MBNL3: variants seen among roughly 807,000 people sequenced by gnomAD.
The protein encoded by MBNL3 is muscleblind-like protein 3.
MBNL3 carries 6 observed loss-of-function variants against 24.5 expected under a neutral mutation model. The observed-to-expected ratio is 0.25, with a 90% CI of 0.13 to 0.48. MBNL3 has a LOEUF of 0.48. Among genes scored for constraint, MBNL3 ranks in the 20% least tolerant of loss-of-function variants. The pLI is 0.99. For synonymous variants in MBNL3, 100 were observed against 101.7 expected (o/e 0.98, Z 0.10); for missense variants, 230 against 293.5 (o/e 0.78, Z 1.58).
intron 1 of MBNL3, among the ~76,000 whole-genome samples, chrX:132,449,977 G>GGCCCCCCCC (rs1945983755): frequency 3.9e-5 from 1 of 25,460 alleles, no homozygotes; most frequent in Non-Finnish European, 7.0e-5. Flanking sequence ...GCTGAATATT[G>GGCCCCCCCC]CCCCCCCCCC....
intron 3 of MBNL3, among the ~76,000 whole-genome samples, chrX:132,396,924 TCA>T (rs1334214452): frequency 4.2e-4 from 32 of 75,575 alleles, no homozygotes; most frequent in Non-Finnish European, 7.5e-4. Flanking sequence ...ACATATATAT[TCA>T]TATATACATT....
intron 3 of MBNL3, among the ~76,000 whole-genome samples, chrX:132,402,964 T>G (rs1444042802): frequency 8.9e-6 from 1 of 112,032 alleles, no homozygotes; most frequent in Non-Finnish European, 1.9e-5. Context: ...TTCAAGCCAG[T>G]CATACAAATG....
At chrX:132,406,202 A>G (rs764090986) in intron 3 of MBNL3, 26 bp downstream of exon 3, 2 of 1,207,610 alleles carry the variant, frequency 1.7e-6, no homozygotes, top group East Asian at 3.0e-5. Context: ...TTTATCGGCA[A>G]TTTTCAAAAT....
rs189537820 is a variant in MBNL3 at position 132,380,523 on chromosome X, C to T, written c.1054-846G>A. Among the ~76,000 whole-genome samples, 262 of 111,255 alleles carry T rather than the reference C, an allele frequency of 2.4e-3. 3 individuals carry two copies. Among genetic ancestry groups the T allele is most frequent in the African/African-American group, 8.3e-3 (254 of 30,621 alleles). ...TCGGCTATCTGCTCTGTCCAGAACA[C>T]TTAGTGTTCTAAGCCCGTGTGTCCT... On this transcript the variant is annotated intron_variant, in intron 8 of 8. Coordinates refer to ENST00000370853, the MANE Select transcript of MBNL3 (RefSeq NM_001386889.1).
In MBNL3 at chrX:132,413,734, A is replaced by G. The variant is rs1021290750; in HGVS notation, c.178-7342T>C. The G allele has an allele frequency of 7.3e-6, 4 of 547,936 alleles. No homozygotes were observed. In the African/African-American group the frequency reaches 9.4e-5, roughly 13 times the overall value. The allele number at this position is 547,936 out of a possible 1,213,427, so 45.2% of individuals were successfully genotyped here. ...CGGTGGCGCAACAGTATATTTAAAT[A>G]CCCTCGATGTCTGCTGGAGCTCCCC... On this transcript the variant is annotated intron_variant, in intron 2 of 8. Coordinates refer to ENST00000370853, the MANE Select transcript of MBNL3 (RefSeq NM_001386889.1).
At chrX:132,393,515 T>C (rs1321136638) in intron 3 of MBNL3, among the ~76,000 whole-genome samples, 1 of 111,719 alleles carries the variant, frequency 9.0e-6, no homozygotes, top group East Asian at 2.8e-4. Context: ...TTCCAGTTTG[T>C]TCCACATGTG....
chrX:132,370,351 CTATCTATTCAGTATTTTAGGTTCAT>C lies in MBNL3; in HGVS notation c.*9290_*9314del, dbSNP rs1186537209. 3.6e-5 allele frequency: 4 copies of C among 111,772 alleles called. No homozygotes were observed. The highest frequency in any genetic ancestry group is 9.5e-5 in the Admixed American group (1 of 10,476). 9.2% of individuals were successfully genotyped at this position (111,772 alleles called of 1,213,427 possible). A position where few individuals can be genotyped will look rare whatever the true frequency, so the allele number is the denominator to read the frequency against. ...GGTCAGTGGAATTTTAGGATGTTCA[CTATCTATTCAGTATTTTAGGTTCAT>C]TATCATATCAGAACTTTCCAGATAA... On this transcript the variant is annotated 3_prime_UTR_variant, in exon 9 of 9. Coordinates refer to ENST00000370853, the MANE Select transcript of MBNL3 (RefSeq NM_001386889.1).
At chrX:132,452,684 A>G (rs747570610) in intron 1 of MBNL3, among the ~76,000 whole-genome samples, 41 of 113,127 alleles carry the variant, frequency 3.6e-4, no homozygotes, top group Admixed American at 9.3e-4. Flanking sequence ...ATATTAATAT[A>G]GGAAAATACC....
intron 3 of MBNL3, among the ~76,000 whole-genome samples, chrX:132,403,529 A>AAGAT (rs1303832455): frequency 8.9e-6 from 1 of 112,125 alleles, no homozygotes; most frequent in Non-Finnish European, 1.9e-5. Flanking sequence ...CATTGAAGAA[A>AAGAT]AGATAGGGAA....
At chrX:132,488,052 T>C (rs1291516667) in intron 1 of MBNL3, among the ~76,000 whole-genome samples, 3 of 112,376 alleles carry the variant, frequency 2.7e-5, no homozygotes, top group African/African-American at 9.7e-5. Flanking sequence ...AATTGATTCT[T>C]TCCCATGAAG....
intron 1 of MBNL3, among the ~76,000 whole-genome samples, chrX:132,462,520 T>C (rs1946674992): frequency 1.8e-5 from 2 of 111,876 alleles, no homozygotes; most frequent in South Asian, 7.5e-4. Flanking sequence ...CAAGAAAGCA[T>C]AAGTTAGAAT....
intron 1 of MBNL3, among the ~76,000 whole-genome samples, chrX:132,461,478 A>C (rs1946626706): frequency 9.0e-6 from 1 of 111,182 alleles, no homozygotes; most frequent in African/African-American, 3.3e-5. Flanking sequence ...TTCTAGGTAC[A>C]TAGCACTGCA....
intron 1 of MBNL3, among the ~76,000 whole-genome samples, chrX:132,473,466 G>A (rs1387273292): frequency 1.8e-5 from 2 of 112,014 alleles, no homozygotes; most frequent in African/African-American, 6.5e-5. Flanking sequence ...TGTGCAATCT[G>A]TTCTCTTGGC....
At chrX:132,479,822 G>A (rs1321177025) in intron 1 of MBNL3, among the ~76,000 whole-genome samples, 2 of 111,318 alleles carry the variant, frequency 1.8e-5, no homozygotes, top group East Asian at 2.8e-4. Flanking sequence ...ACCAAATTTG[G>A]AAGATATGAA....
At chrX:132,396,527 T>C (rs1241775720) in intron 3 of MBNL3, among the ~76,000 whole-genome samples, 1 of 66,072 alleles carries the variant, frequency 1.5e-5, no homozygotes, top group Non-Finnish European at 2.5e-5. Context: ...TATTCATATA[T>C]ATATTCATAT....
rs1245906679 is a variant in MBNL3, at chrX:132,413,176, AC to A, written c.178-6785del. Among the ~76,000 whole-genome samples, 3 of 111,331 alleles carry A rather than the reference AC, an allele frequency of 2.7e-5. No individual in the cohort carries two copies. The East Asian group carries it at 8.5e-4, about 32-fold the overall frequency. On this transcript the variant is annotated intron_variant, in intron 2 of 8. Transcript: ENST00000370853. ...GCTTCTTTACCTCCTTTTTCTGGAC[AC>A]CCCATCCACTCACTTGCCACAACGA...
intron 1 of MBNL3, among the ~76,000 whole-genome samples, chrX:132,441,492 G>A (rs1324550033): frequency 8.9e-6 from 1 of 112,419 alleles, no homozygotes; most frequent in African/African-American, 3.2e-5. Context: ...TCTGCATCAA[G>A]TTACATGCAG....
chrX:132,487,349 T>G (rs1221519691), intron 1 of MBNL3, among the ~76,000 whole-genome samples: 1 of 111,802 alleles, frequency 8.9e-6, no homozygotes, highest in Non-Finnish European at 1.9e-5. Context: ...ATTTTAGACA[T>G]GAAGCAATGA....
At position 132,448,433 on chromosome X, in the gene MBNL3, C is replaced by T. The variant is rs930954969; in HGVS notation, c.-703-8119G>A. 1.7e-4 allele frequency among the ~76,000 whole-genome samples: 19 copies of T among 111,591 alleles called. 1 individual carries two copies. The highest frequency in any genetic ancestry group is 6.6e-4 in the Admixed American group (7 of 10,538). ...TAGATTTTCTAGTTGATTTGCATAG[C>T]GGTGTTTATAGTATTCTCTGATGGT... On this transcript the variant is annotated intron_variant, in intron 1 of 8. Coordinates refer to ENST00000370853, the MANE Select transcript of MBNL3 (RefSeq NM_001386889.1).
Sources: allele counts gnomAD v4.1 joint callset (sites outside exome capture counted in the v4.1 genomes callset), GRCh38; gene constraint gnomAD v4.1.1; transcripts MANE v1.5; gene names NCBI Gene and HGNC (gene_info 2026-07-23, HGNC 2026-07-21).